Variants in ESYT3 observed in about 807,000 individuals in gnomAD.
ESYT3 encodes extended synaptotagmin 3.
Under a neutral mutation model 111.5 loss-of-function variants are expected in ESYT3, and 101 were observed. That is an observed-to-expected ratio of 0.91 (90% CI 0.77 to 1.07). ESYT3 has a LOEUF of 1.07. Among genes scored for constraint, ESYT3 ranks in the 50% least tolerant of loss-of-function variants. ESYT3 has a pLI of 0.00. For synonymous variants in ESYT3, 416 were observed against 446.8 expected (o/e 0.93, Z 0.87); for missense variants, 1,097 against 1,109.4 (o/e 0.99, Z 0.16).
intron 20 of ESYT3, 128 bp downstream of exon 20, chr3:138,474,480 G>T: frequency 9.2e-7 from 1 of 1,083,144 alleles, no homozygotes; most frequent in Non-Finnish European, 1.3e-6. Flanking sequence ...CATAGTCTAT[G>T]ACTTCATGAA....
chr3:138,448,599 A>G (rs1224362351), intron 1 of ESYT3, among the ~76,000 whole-genome samples: 1 of 152,246 alleles, frequency 6.6e-6, no homozygotes, highest in African/African-American at 2.4e-5. Flanking sequence ...GTGAAAGCCA[A>G]CAGATGAAAA....
At chr3:138,448,296 C>T (rs1345004028) in intron 1 of ESYT3, among the ~76,000 whole-genome samples, 5 of 120,536 alleles carry the variant, frequency 4.1e-5, no homozygotes, top group Non-Finnish European at 8.3e-5. Flanking sequence ...AAAAAAAATG[C>T]AGGGGAGGGG....
rs1319884994 is a variant in ESYT3, at chr3:138,474,241, G to C, written c.2357G>C (p.Ser786Thr). 1.2e-6 allele frequency: 2 copies of C among 1,606,158 alleles called. No homozygotes were observed. The highest frequency in any genetic ancestry group is 1.7e-6 in the Non-Finnish European group (2 of 1,176,274). Reference sequence around the variant, plus strand: ...ATCAGAAACCTAACACCATGTACCAGCAGTGGAGCTGATCCCTACGTCCGT... The same window carrying C: ...ATCAGAAACCTAACACCATGTACCACCAGTGGAGCTGATCCCTACGTCCGT... ...NGCRNLTPCT[S>T]SGADPYVRVY... The change falls in exon 20 of 23, where the codon AGC becomes ACC. Residue 786 changes from serine to threonine, a missense_variant. Physicochemically the swap from Ser to Thr is moderately conservative, Grantham distance 58. Transcript: ENST00000389567.
At chr3:138,458,934 G>T (rs184536447) in intron 4 of ESYT3, among the ~76,000 whole-genome samples, 31 of 152,310 alleles carry the variant, frequency 2.0e-4, no homozygotes, top group Admixed American at 1.4e-3. Flanking sequence ...ATGAGGATAT[G>T]CCTGGGATAC....
chr3:138,456,271 A>T (rs1389709836), intron 3 of ESYT3, among the ~76,000 whole-genome samples: 1 of 152,146 alleles, frequency 6.6e-6, no homozygotes, highest in Non-Finnish European at 1.5e-5. Flanking sequence ...GTGTGGCTGC[A>T]CCCCTTCCTG....
At position 138,457,707 on chromosome 3, in the gene ESYT3, T is replaced by C. The variant is rs531144779; in HGVS notation, c.581+63T>C. 16 of 1,471,864 alleles carry C rather than the reference T, an allele frequency of 1.1e-5. No homozygotes were observed. In the African/African-American group the frequency reaches 2.1e-4, roughly 19 times the overall value. The allele number at this position is 1,471,864 out of a possible 1,614,324, so 91.2% of individuals were successfully genotyped here. On this transcript the variant is annotated intron_variant, in intron 4 of 22. Transcript: ENST00000389567. ...AGGGGACACAGTGGGAACAGCCAGTTTGAAGATGGAGTAGTATATATATAC... is the reference window on the plus strand; with the variant it reads ...AGGGGACACAGTGGGAACAGCCAGTCTGAAGATGGAGTAGTATATATATAC...
chr3:138,463,962 A>G (rs949362901), intron 8 of ESYT3, among the ~76,000 whole-genome samples: 8 of 152,098 alleles, frequency 5.3e-5, no homozygotes, highest in African/African-American at 1.9e-4. Context: ...AAGGGATGCT[A>G]GGACTCCCTT....
intron 2 of ESYT3, among the ~76,000 whole-genome samples, chr3:138,453,511 A>AT (rs1355561214): frequency 6.6e-6 from 1 of 152,234 alleles, no homozygotes; most frequent in Non-Finnish European, 1.5e-5. Flanking sequence ...GATGGGAACA[A>AT]TGAGCCCTAA....
At position 138,440,016 on chromosome 3, in the gene ESYT3, C is replaced by T. The variant is rs142655339; in HGVS notation, c.327+4891C>T. ...GGGAAGCCCCTTGTCCTCTCTGGGC[C>T]TCTGATTTCTCTGAAAATCATGACA... On this transcript the variant is annotated intron_variant, in intron 1 of 22. Coordinates refer to ENST00000389567, the MANE Select transcript of ESYT3 (RefSeq NM_031913.5). The surrounding 1 kb of genome is among the most constrained non-coding windows in gnomAD (Gnocchi z 4.2). Among the ~76,000 whole-genome samples, 3 of 152,248 alleles carry T rather than the reference C, an allele frequency of 2.0e-5. No individual in the cohort carries two copies. The highest frequency in any genetic ancestry group is 1.9e-4 in the East Asian group (1 of 5,182).
chr3:138,467,719 G>A (rs1256541857), intron 11 of ESYT3, 110 bp downstream of exon 11: 3 of 1,008,468 alleles, frequency 3.0e-6, no homozygotes, highest in Non-Finnish European at 4.5e-6. Flanking sequence ...GTCCCCCTCT[G>A]TGCTAGGCTC....
intron 7 of ESYT3, 133 bp from the exon 8 acceptor site, chr3:138,461,953 T>C: frequency 1.6e-6 from 2 of 1,277,802 alleles, no homozygotes; most frequent in African/African-American, 1.5e-5. Flanking sequence ...CCCAGGCAAG[T>C]GGGGTCAGGG....
At chr3:138,464,797 C>G (rs2032840962) in intron 9 of ESYT3, among the ~76,000 whole-genome samples, 1 of 152,174 alleles carries the variant, frequency 6.6e-6, no homozygotes. Flanking sequence ...TCTCAGCTTC[C>G]CCTGTCAGAG....
At chr3:138,439,473 G>C (rs2030978884) in intron 1 of ESYT3, among the ~76,000 whole-genome samples, 1 of 152,294 alleles carries the variant, frequency 6.6e-6, no homozygotes, top group Non-Finnish European at 1.5e-5. Flanking sequence ...CGTGCTCTGG[G>C]CTCCTAAGAC....
chr3:138,461,514 G>A lies in ESYT3; in HGVS notation c.795-572G>A, dbSNP rs1720837. 4.5e-3 allele frequency among the ~76,000 whole-genome samples: 685 copies of A among 152,280 alleles called. 13 individuals are homozygous for A. Among genetic ancestry groups the A allele is most frequent in the African/African-American group, 0.015 (643 of 41,556 alleles). On this transcript the variant is annotated intron_variant, in intron 7 of 22. Transcript: ENST00000389567. The stretch of plus-strand genomic sequence containing the variant: ...AGACTCAGGGGAGGGCTGCTGACTC[G>A]CTCATTCACTGACATCTGCATGGAT...
chr3:138,472,756 T>C lies in ESYT3; in HGVS notation c.2134T>C (p.Ser712Pro), dbSNP rs193075248. ...KSPRPMKCPA[S>P]PFAWPPKRLA... Reference sequence around the variant, plus strand: ...ACCCAGACCCATGAAATGCCCTGCCTCCCCATTCGCATGGCCGCCCAAGAG... The same window carrying C: ...ACCCAGACCCATGAAATGCCCTGCCCCCCCATTCGCATGGCCGCCCAAGAG... The change falls in exon 18 of 23, where the codon TCC (serine) becomes CCC (proline). Residue 712 changes from serine to proline, a missense_variant. Coordinates refer to ENST00000389567, the MANE Select transcript of ESYT3 (RefSeq NM_031913.5). 2.0e-5 allele frequency: 33 copies of C among 1,614,192 alleles called. No homozygotes were observed. In the East Asian group the frequency reaches 7.4e-4, roughly 36 times the overall value.
Position 138,462,037 on chromosome 3 carries a change from T to TG in ESYT3, c.795-44dup, listed in dbSNP as rs1415058042. On this transcript the variant is annotated intron_variant, in intron 7 of 22. Coordinates refer to ENST00000389567, the MANE Select transcript of ESYT3 (RefSeq NM_031913.5). ...GCTAGGGATGGAGTGGCAGGTGGCA[T>TG]GGGGGAGGCAGTGCCACCCCTCCAC... The TG allele has an allele frequency of 3.7e-6, 6 of 1,610,014 alleles. No individual in the cohort carries two copies. In the Admixed American group the frequency reaches 1.0e-4, roughly 27 times the overall value.
At chr3:138,476,082 G>GTAGT in intron 20 of ESYT3, 141 bp from the exon 21 acceptor site, 2 of 624,346 alleles carry the variant, frequency 3.2e-6, no homozygotes, top group Non-Finnish European at 5.7e-6. Flanking sequence ...TACATCGTGA[G>GTAGT]TAGTTATGAG....
At chr3:138,455,354 C>G in intron 3 of ESYT3, 26 bp downstream of exon 3, 1 of 1,613,156 alleles carries the variant, frequency 6.2e-7, no homozygotes, top group Middle Eastern at 1.7e-4. Flanking sequence ...GAGGGTCAGC[C>G]TGGACTGGCT....
intron 1 of ESYT3, among the ~76,000 whole-genome samples, chr3:138,443,203 G>A (rs59217491): frequency 0.072 from 10,933 of 152,250 alleles, 851 homozygotes; most frequent in African/African-American, 0.19. Flanking sequence ...TGCTGGCTGC[G>A]TGTGTTAAGG....
Sources: allele counts gnomAD v4.1 joint callset (sites outside exome capture counted in the v4.1 genomes callset), GRCh38; gene constraint gnomAD v4.1.1; non-coding constraint Gnocchi (gnomAD v3.1); transcripts MANE v1.5; gene names NCBI Gene and HGNC (gene_info 2026-07-23, HGNC 2026-07-21).